CD53: variants seen among roughly 807,000 people sequenced by gnomAD.
CD53 encodes leukocyte surface antigen CD53.
Under a neutral mutation model 27.3 loss-of-function variants are expected in CD53, and 20 were observed. That is an observed-to-expected ratio of 0.73 (90% CI 0.52 to 1.07). CD53 has a LOEUF of 1.07. Among genes scored for constraint, CD53 ranks in the 50% least tolerant of loss-of-function variants. The pLI, the probability that CD53 is intolerant of heterozygous loss-of-function variation, is 0.00. For missense variants in CD53, 216 were observed against 264.0 expected (o/e 0.82, Z 1.26); for synonymous variants, 106 against 105.3 (o/e 1.01, Z -0.04).
intron 1 of CD53, among the ~76,000 whole-genome samples, chr1:110,884,712 T>C (rs1656499205): frequency 6.6e-6 from 1 of 152,106 alleles, no homozygotes; most frequent in Non-Finnish European, 1.5e-5. Context: ...TTATCCTTGA[T>C]AATTTTTTCT....
chr1:110,896,162 A>G (rs1342439094), intron 5 of CD53, among the ~76,000 whole-genome samples: 1 of 152,192 alleles, frequency 6.6e-6, no homozygotes, highest in Admixed American at 6.5e-5. Context: ...CACTCTCTAG[A>G]TCAGGCTAGT....
intron 1 of CD53, among the ~76,000 whole-genome samples, chr1:110,887,157 G>C (rs538991031): frequency 6.6e-6 from 1 of 151,756 alleles, no homozygotes; most frequent in East Asian, 1.9e-4. Context: ...TCCGTCTCCC[G>C]GGTTCACGCC....
chr1:110,886,860 TATATA>T (rs1162463259), intron 1 of CD53, among the ~76,000 whole-genome samples: 3 of 75,800 alleles, frequency 4.0e-5, no homozygotes, highest in African/African-American at 1.4e-4. Context: ...TATATATATA[TATATA>T]TATATTTTTT....
chr1:110,896,605 T>TC (rs763759996), intron 5 of CD53, 48 bp from the exon 6 acceptor site: 1 of 1,568,108 alleles, frequency 6.4e-7, no homozygotes, highest in Non-Finnish European at 8.8e-7. Context: ...CAGCTTTTTT[T>TC]CACTGTTGAC....
At chr1:110,886,850 TA>T (rs1390992816) in intron 1 of CD53, among the ~76,000 whole-genome samples, 44 of 61,228 alleles carry the variant, frequency 7.2e-4, no homozygotes, top group African/African-American at 1.7e-3. Context: ...GTCTCCAATA[TA>T]TATATATATA....
chr1:110,883,467 T>A (rs1656438564), intron 1 of CD53, among the ~76,000 whole-genome samples: 1 of 152,028 alleles, frequency 6.6e-6, no homozygotes, highest in Non-Finnish European at 1.5e-5. Flanking sequence ...ATCTTGTTTA[T>A]AATTTTCACA....
intron 1 of CD53, among the ~76,000 whole-genome samples, chr1:110,881,361 T>C (rs972066104): frequency 1.3e-5 from 2 of 152,164 alleles, no homozygotes; most frequent in Non-Finnish European, 2.9e-5. Flanking sequence ...CAGAATGTAC[T>C]CTTTTTTATT....
intron 3 of CD53, 154 bp from the exon 4 acceptor site, chr1:110,894,173 T>C (rs1656966112): frequency 1.1e-5 from 7 of 656,278 alleles, no homozygotes; most frequent in African/African-American, 1.8e-5. Flanking sequence ...AGAACACATA[T>C]TTTCACAAAA....
chr1:110,896,251 T>C (rs1385240733), intron 5 of CD53, among the ~76,000 whole-genome samples: 1 of 152,206 alleles, frequency 6.6e-6, no homozygotes, highest in Admixed American at 6.5e-5. Context: ...ATGTGGTTTT[T>C]GTTTTGTGGT....
In CD53 at chr1:110,886,209, A is replaced by G. The variant is rs142144105; in HGVS notation, c.-17-5183A>G. Among the ~76,000 whole-genome samples, 562 of 152,232 alleles carry G rather than the reference A, an allele frequency of 3.7e-3. 7 individuals are homozygous for G. Among genetic ancestry groups the G allele is most frequent in the African/African-American group, 0.013 (537 of 41,554 alleles). ...CTTCCAGCTTGCCTGTTTTCCAATA[A>G]GAAGTCTGCTCTTATCCTTACAATT... On this transcript the variant is annotated intron_variant, in intron 1 of 7. Coordinates refer to ENST00000271324, the MANE Select transcript of CD53 (RefSeq NM_000560.4).
intron 1 of CD53, among the ~76,000 whole-genome samples, chr1:110,875,590 G>T (rs1296651826): frequency 6.6e-6 from 1 of 152,158 alleles, no homozygotes; most frequent in Admixed American, 6.5e-5. Flanking sequence ...GGCACTTCTT[G>T]TACCAAGCAA....
intron 1 of CD53, among the ~76,000 whole-genome samples, chr1:110,876,175 G>A (rs776351663): frequency 8.5e-5 from 13 of 152,130 alleles, no homozygotes; most frequent in Non-Finnish European, 1.3e-4. Flanking sequence ...AGGAGCTGTC[G>A]CAACTGTCCA....
Position 110,895,014 on chromosome 1 carries a change from G to C in CD53, c.382G>C (p.Asp128His). 1 of 1,614,072 alleles carries C rather than the reference G, an allele frequency of 6.2e-7. No individual in the cohort carries two copies. The highest frequency in any genetic ancestry group is 8.5e-7 in the Non-Finnish European group (1 of 1,179,968). ...LTDSIHRYHS[D>H]NSTKAAWDSI... ...CGACAGCATCCACCGTTACCACTCA[G>C]ACAATAGCACCAAGGCAGCGTGGGA... is the stretch of plus-strand genomic sequence containing the variant. The change falls in exon 5 of 8, where the codon GAC (aspartate) becomes CAC (histidine). Residue 128 changes from aspartate (D) to histidine (H), a missense_variant. Coordinates refer to ENST00000271324, the MANE Select transcript of CD53 (RefSeq NM_000560.4).
At chr1:110,886,870 T>TATATA (rs1491267172) in intron 1 of CD53, among the ~76,000 whole-genome samples, 4 of 35,512 alleles carry the variant, frequency 1.1e-4, no homozygotes, top group African/African-American at 3.3e-4. Flanking sequence ...TATATATATA[T>TATATA]TTTTTTTTTC....
intron 1 of CD53, among the ~76,000 whole-genome samples, chr1:110,874,018 G>A (rs2201378): frequency 6.6e-6 from 1 of 152,174 alleles, no homozygotes; most frequent in African/African-American, 2.4e-5. Context: ...TAATGACTGA[G>A]GTTGCATGGA....
intron 1 of CD53, among the ~76,000 whole-genome samples, chr1:110,887,309 C>T (rs1180211108): frequency 1.3e-5 from 2 of 152,178 alleles, no homozygotes; most frequent in African/African-American, 4.8e-5. Context: ...TGTGATCCGC[C>T]CGCCTCGGCC....
chr1:110,897,916 T>C (rs745693308), intron 7 of CD53, 24 bp downstream of exon 7: 24 of 1,372,346 alleles, frequency 1.7e-5, no homozygotes, highest in South Asian at 5.9e-5. Context: ...CACAGGGTTA[T>C]TGTGAGGATT....
Position 110,895,044 on chromosome 1 carries a change from A to G in CD53, c.412A>G (p.Ile138Val), listed in dbSNP as rs1173417751. The G allele has an allele frequency of 6.2e-7, 1 of 1,612,600 alleles. No homozygotes were observed. The highest frequency in any genetic ancestry group is 8.5e-7 in the Non-Finnish European group (1 of 1,178,772). Residue 138 changes from isoleucine (I) to valine (V), a missense_variant, in exon 5 of 8, where the codon ATC becomes GTC. By Grantham distance (29) the Ile-to-Val change is conservative. Transcript: ENST00000271324. ...TAGCACCAAGGCAGCGTGGGACTCC[A>G]TCCAGTCATTTGTGAGTACAGGTGG... ...DNSTKAAWDS[I>V]QSFLQCCGIN...
At position 110,896,808 on chromosome 1, in the gene CD53, A is replaced by G. The variant is rs1308877760; in HGVS notation, c.504+75A>G. ...TAATTACCTCGGAAACTGCAGTCAT[A>G]GAGGACCTAGACCTTCTATTGAGAA... On this transcript the variant is annotated intron_variant, in intron 6 of 7. Coordinates refer to ENST00000271324, the MANE Select transcript of CD53 (RefSeq NM_000560.4). 2.4e-6 allele frequency: 3 copies of G among 1,257,886 alleles called. No homozygotes were observed. In the East Asian group the frequency reaches 7.0e-5, roughly 29 times the overall value. The allele number at this position is 1,257,886 out of a possible 1,614,324, so 77.9% of individuals were successfully genotyped here. A position where few individuals can be genotyped will look rare whatever the true frequency, so the allele number is the denominator to read the frequency against.
Sources: gnomAD v4.1 joint callset for allele counts (sites outside exome capture counted in the v4.1 genomes callset) on GRCh38, gnomAD v4.1.1 for gene constraint, MANE v1.5 for transcripts, NCBI Gene and HGNC (gene_info 2026-07-23, HGNC 2026-07-21) for gene names.